CCR9: variants seen among roughly 807,000 people sequenced by gnomAD.
CCR9 encodes the protein C-C chemokine receptor type 9.
A neutral mutation model predicts 8.7 loss-of-function variants in CCR9; 4 were observed. The ratio of observed to expected loss-of-function variants is 0.46; its 90% confidence interval spans 0.23 to 1.06. CCR9 has a LOEUF of 1.06. Among genes scored for constraint, CCR9 ranks in the 50% least tolerant of loss-of-function variants. The pLI, the probability that CCR9 is intolerant of heterozygous loss-of-function variation, is 0.21. For synonymous variants in CCR9, 159 were observed against 168.8 expected, an observed-to-expected ratio of 0.94 and a Z score of 0.45; for missense variants, 394 against 453.6, an observed-to-expected ratio of 0.87 and a Z score of 1.19.
Position 45,888,165 on chromosome 3 carries a change from T to A in CCR9, c.-29+1510T>A, listed in dbSNP as rs1026898004. ...TTTTCTCTTTTGGAGAATTAGCAGCTCTCTCCCTTCCTTTATCTCCCAGGT... is the reference window on the plus strand; with the variant it reads ...TTTTCTCTTTTGGAGAATTAGCAGCACTCTCCCTTCCTTTATCTCCCAGGT... On this transcript the variant is annotated intron_variant, in intron 1 of 2. Coordinates refer to ENST00000357632, the MANE Select transcript of CCR9 (RefSeq NM_031200.3). 2.6e-5 allele frequency among the ~76,000 whole-genome samples: 4 copies of A among 152,318 alleles called. No individual in the cohort carries two copies. The South Asian group carries it at 8.3e-4, about 32-fold the overall frequency.
At position 45,901,550 on chromosome 3, in the gene CCR9, A is replaced by T. The variant is rs200638038; in HGVS notation, c.762A>T (p.Lys254Asn). The change falls in exon 3 of 3, where the codon AAA becomes AAT. Residue 254 changes from lysine to asparagine, a missense_variant. By Grantham distance (94) the Lys-to-Asn change is moderately conservative. Coordinates refer to ENST00000357632, the MANE Select transcript of CCR9 (RefSeq NM_031200.3). The surrounding 1 kb of genome is among the most constrained non-coding windows in gnomAD (Gnocchi z 4.3). ...AKKSSKHKAL[K>N]VTITVLTVFV... The stretch of plus-strand genomic sequence containing the variant: ...AGTCTTCCAAGCACAAAGCCCTAAA[A>T]GTGACCATCACTGTCCTGACCGTCT... The T allele has an allele frequency of 2.5e-6, 4 of 1,614,074 alleles. No individual in the cohort carries two copies. The highest frequency in any genetic ancestry group is 3.4e-6 in the Non-Finnish European group (4 of 1,180,042).
rs1371700912 is a variant in CCR9 at position 45,902,290 on chromosome 3, A to T, written c.*392A>T. 5.4e-6 allele frequency: 1 copy of T among 184,306 alleles called. No homozygotes were observed. Among genetic ancestry groups the T allele is most frequent in the African/African-American group, 2.4e-5 (1 of 42,082 alleles). The allele number at this position is 184,306 out of a possible 1,614,324, so 11.4% of individuals were successfully genotyped here. On this transcript the variant is annotated 3_prime_UTR_variant, in exon 3 of 3. Transcript: ENST00000357632. ...CTCTTCCAAAAGGGGACACAGAAGC[A>T]CTGGCTGCTGCTACAGACCGCAAAA...
rs73830607 is a variant in CCR9 at position 45,893,681 on chromosome 3, C to T, written c.-28-1225C>T. Among the ~76,000 whole-genome samples, 494 of 152,316 alleles carry T rather than the reference C, an allele frequency of 3.2e-3. 3 individuals carry two copies. The highest frequency in any genetic ancestry group is 0.011 in the African/African-American group (455 of 41,570). ...ACGGATATTTCACAGTTAACTTATCCATTTACTACTTGATGGACATTTAGG... is the reference window on the plus strand; with the variant it reads ...ACGGATATTTCACAGTTAACTTATCTATTTACTACTTGATGGACATTTAGG... On this transcript the variant is annotated intron_variant, in intron 1 of 2. Coordinates refer to ENST00000357632, the MANE Select transcript of CCR9 (RefSeq NM_031200.3).
In CCR9 at chr3:45,892,512, G is replaced by C. The variant is rs56177716; in HGVS notation, c.-28-2394G>C. The stretch of plus-strand genomic sequence containing the variant: ...TTTATAAATGGGAGCTAAATGTTGA[G>C]TACATATGGACACAAAAAAGGGAAT... On this transcript the variant is annotated intron_variant, in intron 1 of 2. Transcript: ENST00000357632. Among the ~76,000 whole-genome samples the C allele has an allele frequency of 7.2e-3, 1,090 of 152,210 alleles. 14 individuals are homozygous for C. Among genetic ancestry groups the C allele is most frequent in the Middle Eastern group, 0.037 (11 of 294 alleles).
chr3:45,896,939 C>T (rs1419624959), intron 2 of CCR9, among the ~76,000 whole-genome samples: 1 of 152,224 alleles, frequency 6.6e-6, no homozygotes, highest in Non-Finnish European at 1.5e-5. Context: ...CCAGAGAACA[C>T]ATGAGCCAGA....
rs1282893136 is a variant in CCR9, at chr3:45,895,441, T to G, written c.21+487T>G. On this transcript the variant is annotated intron_variant, in intron 2 of 2. Transcript: ENST00000357632. ...AATTAGTGAGTCAGTCTGGGCGTGG[T>G]AGCTCACGCCTGTAATCCCAGCACT... Among the ~76,000 whole-genome samples the G allele has an allele frequency of 2.6e-5, 4 of 152,336 alleles. No individual in the cohort carries two copies. In the East Asian group the frequency reaches 5.8e-4, roughly 22 times the overall value.
rs913429329 is a variant in CCR9 at position 45,895,058 on chromosome 3, G to T, written c.21+104G>T. 2.5e-6 allele frequency: 3 copies of T among 1,214,736 alleles called. No individual in the cohort carries two copies. The African/African-American group carries it at 4.5e-5, about 18-fold the overall frequency. 75.2% of individuals were successfully genotyped at this position (1,214,736 alleles called of 1,614,324 possible). ...TGTGGGGGAAGGATTTATCTGTGTG[G>T]TTTCCCAGGGTAAGATCTCTGCCTG... On this transcript the variant is annotated intron_variant, in intron 2 of 2. Transcript: ENST00000357632.
rs559444345 is a variant in CCR9 at position 45,895,448 on chromosome 3, C to T, written c.21+494C>T. On this transcript the variant is annotated intron_variant, in intron 2 of 2. Transcript: ENST00000357632. The stretch of plus-strand genomic sequence containing the variant: ...GAGTCAGTCTGGGCGTGGTAGCTCA[C>T]GCCTGTAATCCCAGCACTTTGGGAG... Among the ~76,000 whole-genome samples the T allele has an allele frequency of 1.8e-4, 27 of 152,338 alleles. No individual in the cohort carries two copies. In the East Asian group the frequency reaches 4.2e-3, roughly 24 times the overall value.
At chr3:45,888,844 G>A (rs1045308831) in intron 1 of CCR9, among the ~76,000 whole-genome samples, 2 of 152,214 alleles carry the variant, frequency 1.3e-5, no homozygotes, top group Admixed American at 6.5e-5. Context: ...GGTTCTAGAT[G>A]TGGGCTCTAG....
At chr3:45,897,435 C>G in intron 2 of CCR9, 1 of 702,352 alleles carries the variant, frequency 1.4e-6, no homozygotes. Flanking sequence ...TCCAGCAGGA[C>G]ACAATGTCCT....
chr3:45,890,238 C>A (rs1702105787), intron 1 of CCR9, among the ~76,000 whole-genome samples: 1 of 29,696 alleles, frequency 3.4e-5, no homozygotes, highest in Admixed American at 4.4e-4. Flanking sequence ...AAGGAGGTGA[C>A]ATAAGCCCTG....
Position 45,887,835 on chromosome 3 carries a change from T to C in CCR9, c.-29+1180T>C, listed in dbSNP as rs114082169. Among the ~76,000 whole-genome samples, 371 of 152,346 alleles carry C rather than the reference T, an allele frequency of 2.4e-3. 4 individuals carry two copies. Among genetic ancestry groups the C allele is most frequent in the African/African-American group, 8.3e-3 (347 of 41,586 alleles). On this transcript the variant is annotated intron_variant, in intron 1 of 2. Coordinates refer to ENST00000357632, the MANE Select transcript of CCR9 (RefSeq NM_031200.3). The stretch of plus-strand genomic sequence containing the variant: ...AGGCATGGTGAGTGGATGGATCTGA[T>C]AGATGGCTCAGAGACCCTGCCTCGT...
upstream of CCR9, among the ~76,000 whole-genome samples, chr3:45,886,109 C>CT (rs1701973594): frequency 6.6e-6 from 1 of 152,214 alleles, no homozygotes; most frequent in Non-Finnish European, 1.5e-5. Flanking sequence ...GGTTCTGGTA[C>CT]GTCTGTCAAG....
At chr3:45,894,444 C>T (rs1466687077) in intron 1 of CCR9, among the ~76,000 whole-genome samples, 1 of 152,180 alleles carries the variant, frequency 6.6e-6, no homozygotes. Flanking sequence ...CTCAAAGCGA[C>T]CACTGTCCTG....
At chr3:45,892,354 T>C (rs79047966) in intron 1 of CCR9, among the ~76,000 whole-genome samples, 1,951 of 152,218 alleles carry the variant, frequency 0.013, 43 homozygotes, top group Middle Eastern at 0.037. Context: ...ATGTGGTACA[T>C]ATACATCATG....
intron 1 of CCR9, among the ~76,000 whole-genome samples, chr3:45,888,231 T>G (rs1445929230): frequency 1.3e-5 from 2 of 152,210 alleles, no homozygotes; most frequent in African/African-American, 2.4e-5. Flanking sequence ...CATGCCTTAG[T>G]GCATATGTTT....
At chr3:45,893,533 T>G (rs1702256872) in intron 1 of CCR9, among the ~76,000 whole-genome samples, 1 of 152,220 alleles carries the variant, frequency 6.6e-6, no homozygotes. Context: ...TTGCATTATT[T>G]AGAGTTTTAT....
rs1440609029 is a variant in CCR9, at chr3:45,902,554, A to G, written c.*656A>G. The G allele has an allele frequency of 1.2e-5, 2 of 167,176 alleles. No individual in the cohort carries two copies. The highest frequency in any genetic ancestry group is 2.9e-5 in the Non-Finnish European group (2 of 68,188). The allele number at this position is 167,176 out of a possible 1,614,324, so 10.4% of individuals were successfully genotyped here. On this transcript the variant is annotated 3_prime_UTR_variant, in exon 3 of 3. Coordinates refer to ENST00000357632, the MANE Select transcript of CCR9 (RefSeq NM_031200.3). Reference sequence around the variant, plus strand: ...GGACAACTGACCACACCCACAAGGCATCCAAAGTCTGTTGGCTTCCAATCC... The same window carrying G: ...GGACAACTGACCACACCCACAAGGCGTCCAAAGTCTGTTGGCTTCCAATCC...
intron 1 of CCR9, among the ~76,000 whole-genome samples, chr3:45,892,897 G>A (rs973567929): frequency 1.6e-4 from 25 of 152,300 alleles, no homozygotes; most frequent in African/African-American, 4.6e-4. Flanking sequence ...GCTGACAGCC[G>A]GAGATGACAC....
Sources: allele counts gnomAD v4.1 joint callset (sites outside exome capture counted in the v4.1 genomes callset), GRCh38; gene constraint gnomAD v4.1.1; non-coding constraint Gnocchi (gnomAD v3.1); transcripts MANE v1.5; gene names NCBI Gene and HGNC (gene_info 2026-07-23, HGNC 2026-07-21).